The following CLVS1 variants were observed in gnomAD, a reference collection of about 807,000 sequenced individuals.
CLVS1 encodes clavesin 1, also known as clavesin-1.
In CLVS1, 10 loss-of-function variants were observed where a neutral mutation model predicts 33.1. The observed-to-expected ratio is 0.30, with a 90% CI of 0.19 to 0.51. The LOEUF (loss-of-function observed/expected upper bound fraction) is 0.51, where lower values mean the gene tolerates loss of function less well. Ranked by LOEUF, CLVS1 falls within the 20% of genes least tolerant of loss-of-function variation. The pLI is 0.97. For synonymous variants in CLVS1, 163 were observed against 166.1 expected, an observed-to-expected ratio of 0.98 and a Z score of 0.14; for missense variants, 343 against 433.4, an observed-to-expected ratio of 0.79 and a Z score of 1.85.
intron 2 of CLVS1, among the ~76,000 whole-genome samples, chr8:61,220,642 GT>G (rs565187921): frequency 0.016 from 2,372 of 147,410 alleles, 51 homozygotes; most frequent in African/African-American, 0.044. Flanking sequence ...GGCTATACAG[GT>G]TTTTTTTTTT....
rs1318287295 is a variant in CLVS1 at position 61,299,906 on chromosome 8, C to A, written c.79C>A (p.Gln27Lys). Residue 27 changes from glutamine (Q) to lysine (K), a missense_variant, in exon 2 of 6, where the codon CAG becomes AAG. Transcript: ENST00000325897. Reference protein sequence around the residue: ...NGDLAKMTHLQAGLSPETIEK... With the variant: ...NGDLAKMTHLKAGLSPETIEK... Reference sequence around the variant, plus strand: ...AGATTTGGCCAAGATGACCCATTTACAGGCTGGACTCAGTCCAGAGACTAT... The same window carrying A: ...AGATTTGGCCAAGATGACCCATTTAAAGGCTGGACTCAGTCCAGAGACTAT... The A allele has an allele frequency of 1.2e-6, 2 of 1,613,758 alleles. No individual in the cohort carries two copies. Among genetic ancestry groups the A allele is most frequent in the Non-Finnish European group, 1.7e-6 (2 of 1,179,878 alleles).
At position 61,304,446 on chromosome 8, in the gene CLVS1, C is replaced by T. The variant is rs116065731; in HGVS notation, c.455+4164C>T. 1.4e-3 allele frequency among the ~76,000 whole-genome samples: 208 copies of T among 152,260 alleles called. 1 individual carries two copies. The highest frequency in any genetic ancestry group is 4.3e-3 in the African/African-American group (178 of 41,550). On this transcript the variant is annotated intron_variant, in intron 2 of 5. Transcript: ENST00000325897. ...TCTTCATTTTTTGAGGCTGCCAGGC[C>T]GAACCAAAACCAGATGGATTCAATC... is the stretch of plus-strand genomic sequence containing the variant.
At chr8:61,295,216 C>A (rs1271366620) in intron 1 of CLVS1, among the ~76,000 whole-genome samples, 1 of 152,174 alleles carries the variant, frequency 6.6e-6, no homozygotes, top group Non-Finnish European at 1.5e-5. Context: ...AGGGAGATGG[C>A]CTCTGAGGCT....
upstream of CLVS1, among the ~76,000 whole-genome samples, chr8:61,053,112 G>T (rs1005614016): frequency 1.3e-5 from 2 of 152,214 alleles, no homozygotes; most frequent in Non-Finnish European, 2.9e-5. Flanking sequence ...TAATGGCAAG[G>T]AGTGGGGTCG....
chr8:61,190,534 T>C (rs542654853), intron 2 of CLVS1, among the ~76,000 whole-genome samples: 1 of 152,168 alleles, frequency 6.6e-6, no homozygotes, highest in South Asian at 2.1e-4. Flanking sequence ...AGAGGAGAAC[T>C]GAAGGAGTTG....
intron 2 of CLVS1, among the ~76,000 whole-genome samples, chr8:61,256,000 G>A (rs149604197): frequency 6.6e-6 from 1 of 152,176 alleles, no homozygotes; most frequent in African/African-American, 2.4e-5. Context: ...CATTTTAAGT[G>A]TATATTTCAG....
Position 61,495,866 on chromosome 8 carries a change from C to T in CLVS1, c.978-3589C>T, listed in dbSNP as rs895501871. Among the ~76,000 whole-genome samples, 4 of 152,152 alleles carry T rather than the reference C, an allele frequency of 2.6e-5. 1 individual carries two copies. Among genetic ancestry groups the T allele is most frequent in the Non-Finnish European group, 5.9e-5 (4 of 68,034 alleles). ...AACCCAGCTAGTTGATGAAGAGATA[C>T]AGGATAGTGCTAAGGTGGCCAGTTT... is the stretch of plus-strand genomic sequence containing the variant. On this transcript the variant is annotated intron_variant, in intron 5 of 5. Coordinates refer to ENST00000325897, the MANE Select transcript of CLVS1 (RefSeq NM_173519.3).
the CLVS1 span, among the ~76,000 whole-genome samples, chr8:61,016,341 C>T: frequency 1.4e-4 from 21 of 152,318 alleles, 1 homozygote; most frequent in South Asian, 1.9e-3. Context: ...GGAGGCCCCA[C>T]GACCCAAAGT....
intron 2 of CLVS1, among the ~76,000 whole-genome samples, chr8:61,346,207 C>T (rs1451470447): frequency 6.6e-6 from 1 of 152,084 alleles, no homozygotes; most frequent in African/African-American, 2.4e-5. Flanking sequence ...AGGGTGCCTG[C>T]GACTCACTCT....
intron 2 of CLVS1, among the ~76,000 whole-genome samples, chr8:61,151,004 T>A (rs1386068386): frequency 6.6e-6 from 1 of 152,208 alleles, no homozygotes; most frequent in Non-Finnish European, 1.5e-5. Flanking sequence ...ATAAGCCAGA[T>A]GTGGGAGCCA....
intron 1 of CLVS1, among the ~76,000 whole-genome samples, chr8:61,123,456 T>C (rs1382240944): frequency 6.6e-6 from 1 of 152,248 alleles, no homozygotes; most frequent in Non-Finnish European, 1.5e-5. Context: ...GTTTGTATGC[T>C]ACTAAGCTAA....
intron 2 of CLVS1, among the ~76,000 whole-genome samples, chr8:61,344,414 A>G (rs1812128678): frequency 6.6e-6 from 1 of 152,110 alleles, no homozygotes; most frequent in Non-Finnish European, 1.5e-5. Context: ...CACACATCTC[A>G]ATGACTGTCG....
Position 61,220,842 on chromosome 8 carries a change from T to C in CLVS1, c.-151-78835T>C, listed in dbSNP as rs561295357. ...CTGTCCTCTCTTATTTCCTTGAGCA[T>C]TGATTTGTAGTTCTCCTTGAAGAAG... is the stretch of plus-strand genomic sequence containing the variant. On this transcript the variant is annotated intron_variant, in intron 2 of 2. Transcript: ENST00000522621. Among the ~76,000 whole-genome samples, 10 of 152,168 alleles carry C rather than the reference T, an allele frequency of 6.6e-5. No homozygotes were observed. In the East Asian group the frequency reaches 1.2e-3, roughly 18 times the overall value.
intron 3 of CLVS1, among the ~76,000 whole-genome samples, chr8:61,385,574 G>A (rs186638314): frequency 3.2e-4 from 48 of 152,276 alleles, no homozygotes; most frequent in Non-Finnish European, 4.1e-4. Context: ...GGAGAGGAGG[G>A]CATTTACATA....
At chr8:61,303,459 A>G (rs2978562) in intron 2 of CLVS1, among the ~76,000 whole-genome samples, 41,566 of 152,132 alleles carry the variant, frequency 0.27, 6,943 homozygotes, top group Non-Finnish European at 0.35. Context: ...GCCTGATCCT[A>G]TGGATGGGAA....
intron 3 of CLVS1, among the ~76,000 whole-genome samples, chr8:61,390,549 C>T (rs1386762637): frequency 6.6e-6 from 1 of 152,208 alleles, no homozygotes; most frequent in East Asian, 1.9e-4. Flanking sequence ...CAAACCAACA[C>T]TGGGTACCAA....
chr8:61,248,768 A>T (rs1808873157), intron 2 of CLVS1, among the ~76,000 whole-genome samples: 1 of 152,088 alleles, frequency 6.6e-6, no homozygotes, highest in Admixed American at 6.6e-5. Context: ...TGCCTCTAAG[A>T]CACCCAGAAG....
chr8:61,141,692 T>G (rs1235159227), intron 2 of CLVS1, among the ~76,000 whole-genome samples: 2 of 152,236 alleles, frequency 1.3e-5, no homozygotes, highest in Admixed American at 1.3e-4. Flanking sequence ...TAATTAACTT[T>G]TGTACAGAAT....
the CLVS1 span, among the ~76,000 whole-genome samples, chr8:60,998,935 G>A: frequency 6.6e-6 from 1 of 152,056 alleles, no homozygotes; most frequent in African/African-American, 2.4e-5. Flanking sequence ...AACACATTGA[G>A]GATGAGAAAA....
Sources: allele counts gnomAD v4.1 joint callset (sites outside exome capture counted in the v4.1 genomes callset), GRCh38; gene constraint gnomAD v4.1.1; transcripts MANE v1.5; gene names NCBI Gene and HGNC (gene_info 2026-07-23, HGNC 2026-07-21).